Variants in KMT5B observed in about 807,000 individuals in gnomAD.
KMT5B encodes histone-lysine N-methyltransferase KMT5B.
KMT5B carries 10 observed loss-of-function variants against 83.2 expected under a neutral mutation model. The ratio of observed to expected loss-of-function variants is 0.12; its 90% CI spans 0.07 to 0.20. The LOEUF (loss-of-function observed/expected upper bound fraction) is 0.20. Among genes scored for constraint, KMT5B ranks in the 10% least tolerant of loss-of-function variants. The pLI is 1.00. For missense variants in KMT5B, 753 were observed against 1,067.2 expected, an observed-to-expected ratio of 0.71 and a Z score of 4.10; for synonymous variants, 349 against 388.8, an observed-to-expected ratio of 0.90 and a Z score of 1.20.
intron 4 of KMT5B, among the ~76,000 whole-genome samples, chr11:68,178,177 T>C (rs972891535): frequency 2.6e-5 from 4 of 152,314 alleles, no homozygotes; most frequent in African/African-American, 7.2e-5. Context: ...TCTTTACACG[T>C]TCAATGTGAA....
chr11:68,158,836 C>A lies in KMT5B; in HGVS notation c.1510G>T (p.Val504Phe), dbSNP rs374119325. ...TGTCTAGTCAAGCACCCGCTGGCAACTGCGGCTTGGGCTGGTCCCTCTGGC... is the reference window on the plus strand; with the variant it reads ...TGTCTAGTCAAGCACCCGCTGGCAAATGCGGCTTGGGCTGGTCCCTCTGGC... ...KEPEGPAQAA[V>F]ASGCLTRHAA... The change falls in exon 11 of 11, where the codon GTT becomes TTT. Residue 504 changes from valine (V) to phenylalanine (F), a missense_variant. Transcript: ENST00000304363. 1 of 1,614,068 alleles carries A rather than the reference C, an allele frequency of 6.2e-7. No homozygotes were observed. The highest frequency in any genetic ancestry group is 1.7e-5 in the Admixed American group (1 of 60,010).
chr11:68,197,134 C>T (rs1340611407), intron 1 of KMT5B, among the ~76,000 whole-genome samples: 1 of 152,002 alleles, frequency 6.6e-6, no homozygotes, highest in African/African-American at 2.4e-5. Context: ...CCACACCTGG[C>T]TAATTTTTTT....
In KMT5B at chr11:68,173,854, A is replaced by G. The variant is rs769703612; in HGVS notation, c.603T>C (p.Asn201=). 3 of 1,613,328 alleles carry G rather than the reference A, an allele frequency of 1.9e-6. No individual in the cohort carries two copies. The highest frequency in any genetic ancestry group is 1.3e-5 in the African/African-American group (1 of 75,006). Reference sequence around the variant, plus strand: ...CTCCATTTTGTTCTGATGAGTATCTATTACATGGCAATATTTCAAATCCAC... The same window carrying G: ...CTCCATTTTGTTCTGATGAGTATCTGTTACATGGCAATATTTCAAATCCAC... ...TDSGFEILPC[N]RYSSEQNGAK... is the part of the protein sequence containing the mutation. The change falls in exon 6 of 11, where the codon AAT becomes AAC. Residue 201 remains asparagine, a synonymous_variant. Transcript: ENST00000304363.
chr11:68,209,262 A>C (rs1317571073), intron 1 of KMT5B, among the ~76,000 whole-genome samples: 1 of 152,178 alleles, frequency 6.6e-6, no homozygotes, highest in Non-Finnish European at 1.5e-5. Flanking sequence ...CAGTTCAACA[A>C]ACTTATGAAG....
intron 1 of KMT5B, among the ~76,000 whole-genome samples, chr11:68,207,209 G>A (rs370512685): frequency 1.4e-5 from 2 of 140,980 alleles, no homozygotes; most frequent in South Asian, 2.2e-4. Context: ...GCGAGACTCC[G>A]TTTCAAAAAA....
chr11:68,167,495 C>T (rs562968374), intron 9 of KMT5B, among the ~76,000 whole-genome samples: 189 of 150,944 alleles, frequency 1.3e-3, no homozygotes, highest in Non-Finnish European at 2.2e-3. Context: ...CACTCTACCG[C>T]CCAGGCTGGA....
In KMT5B at chr11:68,171,637, T is replaced by C. The variant is rs377302351; in HGVS notation, c.726A>G (p.Leu242=). Reference sequence around the variant, plus strand: ...TGAAGTCGTTTTCTCCATGTCTAAGTAGCATGTTCTCCTCAATTTCTGAAA... The same window carrying C: ...TGAAGTCGTTTTCTCCATGTCTAAGCAGCATGTTCTCCTCAATTTCTGAAA... ...AELSEIEENM[L]LRHGENDFSV... The change falls in exon 7 of 11, where the codon CTA becomes CTG. Residue 242 remains leucine (L), a synonymous_variant. Coordinates refer to ENST00000304363, the MANE Select transcript of KMT5B (RefSeq NM_017635.5). This position sits in a 1 kb window ranked among gnomAD's most constrained non-coding sequence, Gnocchi z 5.1. The C allele has an allele frequency of 1.9e-6, 3 of 1,613,890 alleles. No homozygotes were observed. The highest frequency in any genetic ancestry group is 1.3e-5 in the African/African-American group (1 of 74,940).
At chr11:68,167,487 C>T (rs1454975276) in intron 9 of KMT5B, among the ~76,000 whole-genome samples, 2 of 149,412 alleles carry the variant, frequency 1.3e-5, no homozygotes, top group African/African-American at 4.9e-5. Flanking sequence ...CAGGGTCTCA[C>T]TCTACCGCCC....
intron 9 of KMT5B, 25 bp downstream of exon 9, chr11:68,170,990 C>T (rs561176636): frequency 3.2e-6 from 5 of 1,563,618 alleles, no homozygotes; most frequent in Admixed American, 4.5e-5. Flanking sequence ...AATGTTTAGG[C>T]TGAACATTTT....
At chr11:68,206,220 A>G (rs1348982862) in intron 1 of KMT5B, among the ~76,000 whole-genome samples, 2 of 152,240 alleles carry the variant, frequency 1.3e-5, no homozygotes, top group African/African-American at 4.8e-5. Context: ...CTGCTTACCT[A>G]GCAGTGCCTA....
Position 68,158,958 on chromosome 11 carries a change from T to G in KMT5B, c.1388A>C (p.Gln463Pro), listed in dbSNP as rs754077260. The G allele has an allele frequency of 1.9e-6, 3 of 1,613,262 alleles. No individual in the cohort carries two copies. ...TTCGAGTTTTCTTGAAGCATTCTTT[T>G]GCTCCAGCCGCTTGCAATGATTTCT... ...KLRNHCKRLE[Q>P]KNASRKLEMG... The change falls in exon 11 of 11, where the codon CAA becomes CCA. Residue 463 changes from glutamine (Q) to proline (P), a missense_variant. By Grantham distance (76) the Gln-to-Pro change is moderately conservative. Coordinates refer to ENST00000304363, the MANE Select transcript of KMT5B (RefSeq NM_017635.5).
At position 68,190,089 on chromosome 11, in the gene KMT5B, C is replaced by A. The variant is rs375434259; in HGVS notation, c.-13G>T. 51 of 1,611,420 alleles carry A rather than the reference C, an allele frequency of 3.2e-5. No homozygotes were observed. The African/African-American group carries it at 6.0e-4, about 19-fold the overall frequency. On this transcript the variant is annotated 5_prime_UTR_variant, in exon 2 of 11. Transcript: ENST00000304363. ...CCAACCACTTCATACCCACAGACAG[C>A]CTGACCCAGGTGCATTTAGTCACTC...
At chr11:68,209,231 C>CG (rs1422448572) in intron 1 of KMT5B, among the ~76,000 whole-genome samples, 1 of 152,166 alleles carries the variant, frequency 6.6e-6, no homozygotes, top group Non-Finnish European at 1.5e-5. Context: ...AACAATTCAT[C>CG]GGGCCGACCT....
intron 1 of KMT5B, among the ~76,000 whole-genome samples, chr11:68,197,276 G>A (rs1053544508): frequency 6.6e-6 from 1 of 152,116 alleles, no homozygotes; most frequent in Admixed American, 6.6e-5. Context: ...CCCGGCCATG[G>A]AAAGTCTTTA....
chr11:68,183,389 G>A (rs868176000), intron 3 of KMT5B, among the ~76,000 whole-genome samples: 2 of 151,750 alleles, frequency 1.3e-5, no homozygotes, highest in Non-Finnish European at 2.9e-5. Context: ...CCGGAGTCAC[G>A]CTCTGTTGCC....
intron 4 of KMT5B, among the ~76,000 whole-genome samples, chr11:68,178,564 T>TA (rs112473023): frequency 4.5e-4 from 68 of 152,324 alleles, no homozygotes; most frequent in African/African-American, 1.6e-3. Context: ...TGTTAAAACT[T>TA]ACTGTCACAG....
intron 1 of KMT5B, among the ~76,000 whole-genome samples, chr11:68,191,372 C>T (rs769625198): frequency 2.2e-4 from 33 of 151,122 alleles, no homozygotes; most frequent in Non-Finnish European, 3.8e-4. Flanking sequence ...CTTGCTCTGT[C>T]GCCCCGGCTA....
intron 10 of KMT5B, among the ~76,000 whole-genome samples, chr11:68,163,368 T>C (rs1855023105): frequency 1.3e-5 from 2 of 152,202 alleles, no homozygotes; most frequent in Admixed American, 1.3e-4. Flanking sequence ...AGATGGGACT[T>C]GTTAGGCCTT....
At chr11:68,213,430 C>T (rs1299401381), upstream of KMT5B, 3 of 146,146 alleles carry the variant, frequency 2.1e-5, no homozygotes, top group Non-Finnish European at 4.6e-5. Context: ...CCTCGGCTCG[C>T]TGCGCCCCCG....
Sources: allele counts gnomAD v4.1 joint callset (sites outside exome capture counted in the v4.1 genomes callset), GRCh38; gene constraint gnomAD v4.1.1; non-coding constraint Gnocchi (gnomAD v3.1); transcripts MANE v1.5; gene names NCBI Gene and HGNC (gene_info 2026-07-23, HGNC 2026-07-21).